HS6ST3: variants seen among roughly 807,000 people sequenced by gnomAD.
The protein encoded by HS6ST3 is heparan sulfate 6-O-sulfotransferase 3, also known as heparan-sulfate 6-O-sulfotransferase 3.
In HS6ST3, 12 loss-of-function variants were observed where a neutral mutation model predicts 36.7. That is an observed-to-expected ratio of 0.33 (90% CI 0.21 to 0.53). The LOEUF (loss-of-function observed/expected upper bound fraction) is 0.53. Among genes scored for constraint, HS6ST3 ranks in the 20% least tolerant of loss-of-function variants. The pLI is 0.95. For synonymous variants in HS6ST3, 240 were observed against 257.5 expected (o/e 0.93, Z 0.65); for missense variants, 584 against 640.9 (o/e 0.91, Z 0.96).
chr13:96,373,491 A>AT (rs1566341231), intron 1 of HS6ST3, among the ~76,000 whole-genome samples: 1 of 152,208 alleles, frequency 6.6e-6, no homozygotes. Flanking sequence ...AAAGAGTGAG[A>AT]AGAGTATAAA....
intron 1 of HS6ST3, among the ~76,000 whole-genome samples, chr13:96,105,399 C>T (rs1260087579): frequency 5.3e-5 from 8 of 152,072 alleles, no homozygotes. Context: ...ACCTATAATC[C>T]CGGCACTTTG....
chr13:96,385,279 C>T (rs894356725), intron 1 of HS6ST3, among the ~76,000 whole-genome samples: 2 of 151,562 alleles, frequency 1.3e-5, no homozygotes, highest in African/African-American at 4.8e-5. Context: ...GAATATTTGT[C>T]AAAATACACT....
intron 1 of HS6ST3, among the ~76,000 whole-genome samples, chr13:96,394,545 C>A (rs1408140350): frequency 6.6e-6 from 1 of 152,202 alleles, no homozygotes; most frequent in East Asian, 1.9e-4. Flanking sequence ...TAAAGCAATA[C>A]CTAGCATTCG....
At chr13:96,392,479 T>C (rs914281833) in intron 1 of HS6ST3, among the ~76,000 whole-genome samples, 4 of 152,184 alleles carry the variant, frequency 2.6e-5, no homozygotes, top group African/African-American at 7.2e-5. Flanking sequence ...CACGACCCCA[T>C]GAGCACTTGG....
At chr13:96,550,605 A>G (rs2056216007) in intron 1 of HS6ST3, among the ~76,000 whole-genome samples, 2 of 151,990 alleles carry the variant, frequency 1.3e-5, no homozygotes, top group Non-Finnish European at 2.9e-5. Flanking sequence ...ATATATAAAA[A>G]TGGATTTCTG....
In HS6ST3 at chr13:96,792,599, G is replaced by T. The variant is rs572690098; in HGVS notation, c.708-39891G>T. 2.6e-5 allele frequency among the ~76,000 whole-genome samples: 4 copies of T among 152,038 alleles called. No individual in the cohort carries two copies. In the South Asian group the frequency reaches 8.3e-4, roughly 32 times the overall value. On this transcript the variant is annotated intron_variant, in intron 1 of 1. Transcript: ENST00000376705. The stretch of plus-strand genomic sequence containing the variant: ...CCATATGGATACAGATTGCCAGTTG[G>T]GAGGACATTTTAGAACCTGTGTTTT...
At chr13:96,477,489 A>G (rs1020631438) in intron 1 of HS6ST3, among the ~76,000 whole-genome samples, 1 of 152,196 alleles carries the variant, frequency 6.6e-6, no homozygotes, top group Non-Finnish European at 1.5e-5. Flanking sequence ...ACTGGCATCC[A>G]TGCCTGCCCT....
At chr13:96,141,570 C>T (rs866521804) in intron 1 of HS6ST3, among the ~76,000 whole-genome samples, 13 of 152,056 alleles carry the variant, frequency 8.5e-5, no homozygotes, top group Admixed American at 1.3e-4. Context: ...TCAAGTGATC[C>T]GCCTGCCTCA....
intron 1 of HS6ST3, among the ~76,000 whole-genome samples, chr13:96,440,513 G>GGAAGGGAAAA (rs1426347507): frequency 6.6e-6 from 1 of 150,942 alleles, no homozygotes; most frequent in African/African-American, 2.4e-5. Flanking sequence ...GGAAAGGAAA[G>GGAAGGGAAAA]GAAAGGAAAG....
At chr13:96,578,800 T>C (rs1429031445) in intron 1 of HS6ST3, among the ~76,000 whole-genome samples, 2 of 152,114 alleles carry the variant, frequency 1.3e-5, no homozygotes, top group African/African-American at 4.8e-5. Flanking sequence ...CCTCAAGTCA[T>C]GAGCCACCGG....
chr13:96,247,757 A>G (rs775736809), intron 1 of HS6ST3, among the ~76,000 whole-genome samples: 10 of 152,026 alleles, frequency 6.6e-5, no homozygotes, highest in Non-Finnish European at 1.5e-4. Flanking sequence ...GCAAATCAGC[A>G]TGACAGTGTA....
Position 96,408,708 on chromosome 13 carries a change from G to A in HS6ST3, c.707+317139G>A, listed in dbSNP as rs186470883. On this transcript the variant is annotated intron_variant, in intron 1 of 1. Coordinates refer to ENST00000376705, the MANE Select transcript of HS6ST3 (RefSeq NM_153456.4). ...GGAGACCGAGGCGGGTGGATCACCT[G>A]AGGTCAGGAGTTTGAGACTAGCCTG... Among the ~76,000 whole-genome samples, 59 of 152,174 alleles carry A rather than the reference G, an allele frequency of 3.9e-4. 1 individual carries two copies. The highest frequency in any genetic ancestry group is 3.8e-3 in the Admixed American group (58 of 15,278).
At chr13:96,556,348 T>G (rs2056240660) in intron 1 of HS6ST3, among the ~76,000 whole-genome samples, 1 of 152,230 alleles carries the variant, frequency 6.6e-6, no homozygotes, top group African/African-American at 2.4e-5. Context: ...GAAAGAGATT[T>G]AGGTTTTAGT....
At position 96,090,551 on chromosome 13, in the gene HS6ST3, C is replaced by T. The variant is rs2053755603; in HGVS notation, c.-312C>T. 6.8e-6 allele frequency among the ~76,000 whole-genome samples: 1 copy of T among 146,300 alleles called. No homozygotes were observed. Among genetic ancestry groups the T allele is most frequent in the Non-Finnish European group, 1.5e-5 (1 of 65,806 alleles). On this transcript the variant is annotated 5_prime_UTR_variant, in exon 1 of 2. Transcript: ENST00000376705. ...CCGCCGGCGGGATGCCGCGCGTCGC[C>T]TGAGAGAGCCGCGCCGGGGCGGGAG...
At chr13:96,521,650 T>C (rs1473278976) in intron 1 of HS6ST3, among the ~76,000 whole-genome samples, 2 of 152,236 alleles carry the variant, frequency 1.3e-5, no homozygotes, top group Non-Finnish European at 2.9e-5. Context: ...GAGGTGTTTA[T>C]AGTATTCTCT....
At chr13:96,754,188 T>C (rs1876769179) in intron 1 of HS6ST3, among the ~76,000 whole-genome samples, 1 of 152,216 alleles carries the variant, frequency 6.6e-6, no homozygotes, top group Non-Finnish European at 1.5e-5. Context: ...TTTTTATTTC[T>C]ACCTTTCTAG....
intron 1 of HS6ST3, among the ~76,000 whole-genome samples, chr13:96,639,484 C>A (rs2056562489): frequency 6.6e-6 from 1 of 151,920 alleles, no homozygotes; most frequent in African/African-American, 2.4e-5. Flanking sequence ...CTGCTAATAT[C>A]TGCCTCTTAA....
At chr13:96,170,954 G>A (rs1300336523) in intron 1 of HS6ST3, among the ~76,000 whole-genome samples, 1 of 152,122 alleles carries the variant, frequency 6.6e-6, no homozygotes, top group African/African-American at 2.4e-5. Flanking sequence ...CACGCACGTA[G>A]GCCAATTGGA....
chr13:96,362,595 GAGAA>G (rs1300440300), intron 1 of HS6ST3, among the ~76,000 whole-genome samples: 1 of 152,166 alleles, frequency 6.6e-6, no homozygotes, highest in Non-Finnish European at 1.5e-5. Flanking sequence ...ACTGGTGGAA[GAGAA>G]AGAGAGAGTT....
Sources: allele counts gnomAD v4.1 joint callset (sites outside exome capture counted in the v4.1 genomes callset), GRCh38; gene constraint gnomAD v4.1.1; transcripts MANE v1.5; gene names NCBI Gene and HGNC (gene_info 2026-07-23, HGNC 2026-07-21).